Variants in GPC5 observed in about 807,000 individuals in gnomAD.
GPC5 encodes glypican 5.
GPC5 carries 47 observed loss-of-function variants against 53.9 expected under a neutral mutation model. The observed-to-expected ratio is 0.87, with a 90% CI of 0.69 to 1.11. The LOEUF (loss-of-function observed/expected upper bound fraction) is 1.11. Ranked by LOEUF, GPC5 falls within the 50% of genes most tolerant of loss-of-function variation. The pLI, the probability that GPC5 is intolerant of heterozygous loss-of-function variation, is 0.00. For synonymous variants in GPC5, 286 were observed against 263.3 expected (o/e 1.09, Z -0.84); for missense variants, 748 against 713.1 (o/e 1.05, Z -0.56).
chr13:91,583,661 G>A (rs1319331383), intron 2 of GPC5, among the ~76,000 whole-genome samples: 1 of 152,058 alleles, frequency 6.6e-6, no homozygotes, highest in African/African-American at 2.4e-5. Flanking sequence ...TTAATGAAAG[G>A]TGACAAGAAT....
intron 7 of GPC5, among the ~76,000 whole-genome samples, chr13:92,225,890 A>G (rs1303817755): frequency 2.0e-5 from 3 of 152,206 alleles, no homozygotes; most frequent in Non-Finnish European, 2.9e-5. Flanking sequence ...TAAAATTCCA[A>G]AAATAAAGAA....
intron 7 of GPC5, among the ~76,000 whole-genome samples, chr13:92,549,250 C>A (rs1352351898): frequency 1.3e-5 from 2 of 152,102 alleles, no homozygotes; most frequent in Non-Finnish European, 2.9e-5. Context: ...GGAAAGGGAA[C>A]CATACCTACT....
At chr13:91,419,383 A>G (rs1293001080) in intron 1 of GPC5, among the ~76,000 whole-genome samples, 5 of 152,200 alleles carry the variant, frequency 3.3e-5, no homozygotes, top group Non-Finnish European at 7.4e-5. Flanking sequence ...GACACAAAAT[A>G]CACGTACATT....
At chr13:91,828,044 T>C (rs1166900018) in intron 5 of GPC5, among the ~76,000 whole-genome samples, 1 of 152,058 alleles carries the variant, frequency 6.6e-6, no homozygotes, top group Non-Finnish European at 1.5e-5. Context: ...CATGGCTGAA[T>C]AGCAAAAGCA....
At chr13:91,857,716 T>A (rs900720982) in intron 5 of GPC5, among the ~76,000 whole-genome samples, 1 of 151,324 alleles carries the variant, frequency 6.6e-6, no homozygotes, top group African/African-American at 2.4e-5. Context: ...ATGGAACACA[T>A]TCAATATATA....
chr13:91,727,282 T>C (rs558872272), intron 3 of GPC5, among the ~76,000 whole-genome samples: 1 of 152,236 alleles, frequency 6.6e-6, no homozygotes, highest in Non-Finnish European at 1.5e-5. Context: ...CTCATCCCGA[T>C]GGATAGTAGC....
chr13:92,129,067 C>T (rs1021519926), intron 6 of GPC5, among the ~76,000 whole-genome samples: 16 of 152,182 alleles, frequency 1.1e-4, no homozygotes, highest in Non-Finnish European at 2.2e-4. Context: ...GGCCAACCCC[C>T]TTGTTCAACA....
intron 7 of GPC5, among the ~76,000 whole-genome samples, chr13:92,645,875 G>T (rs1885751605): frequency 6.6e-6 from 1 of 151,408 alleles, no homozygotes; most frequent in African/African-American, 2.4e-5. Context: ...CAAATTGTTT[G>T]GCTTCTTAAT....
intron 7 of GPC5, among the ~76,000 whole-genome samples, chr13:92,280,072 G>A (rs9523585): frequency 0.086 from 12,983 of 151,764 alleles, 612 homozygotes; most frequent in Middle Eastern, 0.12. Context: ...TGATTATTCA[G>A]TTTTTCTACT....
At chr13:92,106,789 A>C (rs1447670009) in intron 6 of GPC5, among the ~76,000 whole-genome samples, 1 of 152,044 alleles carries the variant, frequency 6.6e-6, no homozygotes, top group Non-Finnish European at 1.5e-5. Flanking sequence ...CAGATCTTCT[A>C]GTCTCCAACT....
intron 7 of GPC5, among the ~76,000 whole-genome samples, chr13:92,570,611 CAATT>C (rs1257140228): frequency 3.3e-5 from 5 of 151,846 alleles, no homozygotes; most frequent in Non-Finnish European, 5.9e-5. Context: ...AATTAACCTT[CAATT>C]AATTAATGTT....
intron 7 of GPC5, among the ~76,000 whole-genome samples, chr13:92,692,368 T>G (rs1048793889): frequency 4.6e-5 from 7 of 152,008 alleles, no homozygotes; most frequent in African/African-American, 1.7e-4. Flanking sequence ...TAAAATGACT[T>G]ATTTTCTTTT....
At chr13:91,940,581 C>T (rs905532352) in intron 6 of GPC5, among the ~76,000 whole-genome samples, 6 of 152,114 alleles carry the variant, frequency 3.9e-5, no homozygotes, top group African/African-American at 1.4e-4. Flanking sequence ...CTGCTTTCTA[C>T]AGTGACTGAA....
chr13:92,097,667 A>G (rs1253766425), intron 6 of GPC5, among the ~76,000 whole-genome samples: 1 of 152,246 alleles, frequency 6.6e-6, no homozygotes, highest in African/African-American at 2.4e-5. Flanking sequence ...GAGACACACA[A>G]TATTCTTTGA....
chr13:92,457,530 C>T (rs1878318048), intron 7 of GPC5, among the ~76,000 whole-genome samples: 1 of 152,114 alleles, frequency 6.6e-6, no homozygotes. Context: ...CTGCTCTTTA[C>T]AAAACATCGA....
intron 1 of GPC5, among the ~76,000 whole-genome samples, chr13:91,414,354 CA>C (rs1322764103): frequency 1.3e-5 from 2 of 152,234 alleles, no homozygotes; most frequent in East Asian, 3.8e-4. Flanking sequence ...GCAATGATTG[CA>C]AGTTTCCTGA....
At chr13:92,559,403 C>A (rs1882619490) in intron 7 of GPC5, among the ~76,000 whole-genome samples, 1 of 149,420 alleles carries the variant, frequency 6.7e-6, no homozygotes, top group African/African-American at 2.5e-5. Flanking sequence ...CTATTTTCTG[C>A]ATACTATGAT....
At chr13:91,894,685 A>G (rs1255789993) in intron 5 of GPC5, among the ~76,000 whole-genome samples, 1 of 152,126 alleles carries the variant, frequency 6.6e-6, no homozygotes, top group African/African-American at 2.4e-5. Context: ...ACCATTTAGA[A>G]TGTTTTGTTT....
rs1015476241 is a variant in GPC5, at chr13:91,891,238, A to T, written c.1281-16699A>T. 5.3e-5 allele frequency among the ~76,000 whole-genome samples: 8 copies of T among 152,238 alleles called. No individual in the cohort carries two copies. In the East Asian group the frequency reaches 1.5e-3, roughly 29 times the overall value. Reference sequence around the variant, plus strand: ...GAAACAACTTTTTCTGTCTACATTGATCACATAAGAATCTCATATTTAAAA... The same window carrying T: ...GAAACAACTTTTTCTGTCTACATTGTTCACATAAGAATCTCATATTTAAAA... On this transcript the variant is annotated intron_variant, in intron 5 of 7. Coordinates refer to ENST00000377067, the MANE Select transcript of GPC5 (RefSeq NM_004466.6).
Sources: gnomAD v4.1 joint callset for allele counts (sites outside exome capture counted in the v4.1 genomes callset) on GRCh38, gnomAD v4.1.1 for gene constraint, MANE v1.5 for transcripts, NCBI Gene and HGNC (gene_info 2026-07-23, HGNC 2026-07-21) for gene names.